Variants in RNF141 observed in about 807,000 individuals in gnomAD.
RNF141 encodes ring finger protein 141, also known as C3HC4-like zinc finger protein.
Under a neutral mutation model 27.4 loss-of-function variants are expected in RNF141, and 18 were observed. The observed-to-expected ratio is 0.66, with a 90% CI of 0.45 to 0.97. RNF141 has a LOEUF of 0.97. Among genes scored for constraint, RNF141 ranks in the 50% least tolerant of loss-of-function variants. The pLI is 0.00. For missense variants in RNF141, 230 were observed against 279.4 expected, an observed-to-expected ratio of 0.82 and a Z score of 1.26; for synonymous variants, 97 against 96.6, an observed-to-expected ratio of 1.00 and a Z score of -0.02.
At chr11:10,531,257 C>G (rs1055168533) in intron 2 of RNF141, among the ~76,000 whole-genome samples, 1 of 151,794 alleles carries the variant, frequency 6.6e-6, no homozygotes, top group Non-Finnish European at 1.5e-5. Flanking sequence ...CACCTGTAAT[C>G]CCAGCTACTC....
intron 1 of RNF141, among the ~76,000 whole-genome samples, chr11:10,539,838 T>C (rs1165090610): frequency 1.3e-5 from 2 of 151,406 alleles, no homozygotes; most frequent in East Asian, 3.9e-4. Context: ...GTAAGAATTC[T>C]CTCTGGACCT....
At chr11:10,524,979 T>A (rs1011878912) in intron 4 of RNF141, among the ~76,000 whole-genome samples, 4 of 151,868 alleles carry the variant, frequency 2.6e-5, no homozygotes, top group African/African-American at 9.7e-5. Context: ...ACAGAAACAT[T>A]AATATTAAAG....
intron 1 of RNF141, among the ~76,000 whole-genome samples, chr11:10,536,389 G>C (rs1850036335): frequency 6.6e-6 from 1 of 152,128 alleles, no homozygotes; most frequent in African/African-American, 2.4e-5. Flanking sequence ...GAGTTGGGCT[G>C]TTTAACATTT....
At chr11:10,536,951 T>C (rs1269320528) in intron 1 of RNF141, among the ~76,000 whole-genome samples, 1 of 152,166 alleles carries the variant, frequency 6.6e-6, no homozygotes, top group African/African-American at 2.4e-5. Flanking sequence ...TAAAGGATAC[T>C]AATAAATTAG....
At chr11:10,530,943 A>G (rs550408251) in intron 2 of RNF141, among the ~76,000 whole-genome samples, 192 bp from the exon 3 acceptor site, 37 of 152,348 alleles carry the variant, frequency 2.4e-4, no homozygotes, top group Non-Finnish European at 4.3e-4. Flanking sequence ...TAAACATGCA[A>G]CTTAATTTCT....
intron 4 of RNF141, among the ~76,000 whole-genome samples, chr11:10,520,128 G>A (rs149624246): frequency 1.3e-4 from 20 of 152,288 alleles, no homozygotes; most frequent in Admixed American, 1.3e-4. Context: ...GTACAGTAGT[G>A]TACAGACTTT....
At chr11:10,538,208 C>T (rs1465369118) in intron 1 of RNF141, among the ~76,000 whole-genome samples, 1 of 152,162 alleles carries the variant, frequency 6.6e-6, no homozygotes, top group Non-Finnish European at 1.5e-5. Flanking sequence ...TACTTGGTAT[C>T]TGGGAAACTT....
At position 10,540,776 on chromosome 11, in the gene RNF141, G is replaced by A. The variant is rs1288663706; in HGVS notation, c.-48+346C>T. 2.6e-5 allele frequency: 4 copies of A among 152,418 alleles called. No homozygotes were observed. The East Asian group carries it at 7.7e-4, about 29-fold the overall frequency. 9.4% of individuals were successfully genotyped at this position (152,418 alleles called of 1,614,324 possible). ...ACCTGGACATTTAACCAACAGCTAAGTCCGGCGGCCGAATGACTGAGCCGG... is the reference window on the plus strand; with the variant it reads ...ACCTGGACATTTAACCAACAGCTAAATCCGGCGGCCGAATGACTGAGCCGG... On this transcript the variant is annotated intron_variant, in intron 1 of 5. Coordinates refer to ENST00000265981, the MANE Select transcript of RNF141 (RefSeq NM_016422.4).
At chr11:10,532,252 A>G (rs1473919283) in intron 2 of RNF141, among the ~76,000 whole-genome samples, 4 of 152,166 alleles carry the variant, frequency 2.6e-5, no homozygotes, top group African/African-American at 4.8e-5. Flanking sequence ...TTATGTTACT[A>G]AATTCAGAAT....
chr11:10,525,450 A>C, intron 3 of RNF141, 77 bp from the exon 4 acceptor site: 1 of 1,107,684 alleles, frequency 9.0e-7, no homozygotes, highest in South Asian at 1.7e-5. Flanking sequence ...GGGAACAAAT[A>C]TTTAGTCAAA....
intron 1 of RNF141, among the ~76,000 whole-genome samples, chr11:10,534,506 A>G (rs547336915): frequency 1.3e-5 from 2 of 151,962 alleles, no homozygotes; most frequent in East Asian, 3.9e-4. Context: ...ACACACACGC[A>G]TTCAAGTAAT....
chr11:10,531,654 A>G (rs1849987680), intron 2 of RNF141, among the ~76,000 whole-genome samples: 1 of 152,254 alleles, frequency 6.6e-6, no homozygotes, highest in African/African-American at 2.4e-5. Flanking sequence ...TATCACTTCT[A>G]GAAGATAATT....
chr11:10,524,450 A>G (rs1295020613), intron 4 of RNF141, among the ~76,000 whole-genome samples: 2 of 152,344 alleles, frequency 1.3e-5, no homozygotes, highest in East Asian at 1.9e-4. Context: ...CTTTAAGGTA[A>G]AGGACACGGT....
chr11:10,526,613 C>T (rs1307137351), intron 3 of RNF141, among the ~76,000 whole-genome samples: 1 of 151,578 alleles, frequency 6.6e-6, no homozygotes, highest in Admixed American at 6.6e-5. Flanking sequence ...GAAACCCCAT[C>T]TCTACTAAAA....
chr11:10,525,172 A>T lies in RNF141; in HGVS notation c.434+20T>A. On this transcript the variant is annotated intron_variant, in intron 4 of 5. Coordinates refer to ENST00000265981, the MANE Select transcript of RNF141 (RefSeq NM_016422.4). ...TCATATTAGAAAATAAGTGAAATACAATACTTATGCATTATATACCTTCCC... is the reference window on the plus strand; with the variant it reads ...TCATATTAGAAAATAAGTGAAATACTATACTTATGCATTATATACCTTCCC... The T allele has an allele frequency of 1.3e-6, 2 of 1,512,938 alleles. No individual in the cohort carries two copies. The highest frequency in any genetic ancestry group is 1.8e-6 in the Non-Finnish European group (2 of 1,119,944). 93.7% of individuals were successfully genotyped at this position (1,512,938 alleles called of 1,614,324 possible).
Position 10,512,031 on chromosome 11 carries a change from A to C in RNF141, c.*2885T>G, listed in dbSNP as rs1249802761. On this transcript the variant is annotated 3_prime_UTR_variant, in exon 6 of 6. Transcript: ENST00000265981. ...ACCTCTAAATTCAGTACATAGTAAA[A>C]TTCATTTTCTCAAACTAAGGTTCTA... The C allele has an allele frequency of 6.6e-6, 1 of 152,640 alleles. No homozygotes were observed. The highest frequency in any genetic ancestry group is 1.5e-5 in the Non-Finnish European group (1 of 68,030). 9.5% of individuals were successfully genotyped at this position (152,640 alleles called of 1,614,324 possible).
rs1849824666 is a variant in RNF141, at chr11:10,514,155, T to A, written c.*761A>T. 6.6e-6 allele frequency: 1 copy of A among 152,240 alleles called. No homozygotes were observed. Among genetic ancestry groups the A allele is most frequent in the Non-Finnish European group, 1.5e-5 (1 of 68,040 alleles). 9.4% of individuals were successfully genotyped at this position (152,240 alleles called of 1,614,324 possible). A position where few individuals can be genotyped will look rare whatever the true frequency, so the allele number is the denominator to read the frequency against. ...GAAACTCCAAGATGTGTGAGCATTATCAAAGCCATTTAGAACAGTTACCCA... is the reference window on the plus strand; with the variant it reads ...GAAACTCCAAGATGTGTGAGCATTAACAAAGCCATTTAGAACAGTTACCCA... On this transcript the variant is annotated 3_prime_UTR_variant, in exon 6 of 6. Coordinates refer to ENST00000265981, the MANE Select transcript of RNF141 (RefSeq NM_016422.4).
rs1288334512 is a variant in RNF141 at position 10,533,901 on chromosome 11, C to A, written c.143+115G>T. ...CTCAATAAGTATTTGTTAATGCTAA[C>A]TGAAAACATTAAGTCTTACCAATCA... is the stretch of plus-strand genomic sequence containing the variant. On this transcript the variant is annotated intron_variant, in intron 2 of 5. Coordinates refer to ENST00000265981, the MANE Select transcript of RNF141 (RefSeq NM_016422.4). 5.4e-6 allele frequency: 5 copies of A among 918,966 alleles called. No homozygotes were observed. The Admixed American group carries it at 1.1e-4, about 21-fold the overall frequency. 56.9% of individuals were successfully genotyped at this position (918,966 alleles called of 1,614,324 possible).
intron 3 of RNF141, among the ~76,000 whole-genome samples, chr11:10,525,918 G>A (rs1160747143): frequency 7.2e-5 from 11 of 152,122 alleles, no homozygotes; most frequent in African/African-American, 2.4e-4. Flanking sequence ...CAAAAAACTC[G>A]TTTAATATGA....
Sources: gnomAD v4.1 joint callset for allele counts (sites outside exome capture counted in the v4.1 genomes callset) on GRCh38, gnomAD v4.1.1 for gene constraint, MANE v1.5 for transcripts, NCBI Gene and HGNC (gene_info 2026-07-23, HGNC 2026-07-21) for gene names.